IVNS1ABP: variants seen among roughly 807,000 people sequenced by gnomAD.
IVNS1ABP encodes influenza virus NS1A binding protein.
Under a neutral mutation model 78.9 loss-of-function variants are expected in IVNS1ABP, and 25 were observed. The observed-to-expected ratio is 0.32, with a 90% CI of 0.23 to 0.44. The LOEUF (loss-of-function observed/expected upper bound fraction) is 0.44. Ranked by LOEUF, IVNS1ABP falls within the 20% of genes least tolerant of loss-of-function variation. The probability of loss-of-function intolerance (pLI) is 1.00; values close to 1 mark genes in which losing one functional copy is unlikely to be tolerated. For synonymous variants in IVNS1ABP, 241 were observed against 259.7 expected (o/e 0.93, Z 0.69); for missense variants, 494 against 768.9 (o/e 0.64, Z 4.23).
At chr1:185,303,050 T>C (rs1211341912) in intron 8 of IVNS1ABP, among the ~76,000 whole-genome samples, 1 of 152,094 alleles carries the variant, frequency 6.6e-6, no homozygotes, top group Non-Finnish European at 1.5e-5. Context: ...TAGACTTATC[T>C]AACCTTATCT....
rs773854525 is a variant in IVNS1ABP at position 185,309,425 on chromosome 1, A to G, written c.69T>C (p.Asn23=). ...AGAACTGGCCACTTTTCCTCAGGGC[A>G]TTTAATTTGGCAACAGAAGACTCAA... is the stretch of plus-strand genomic sequence containing the variant. ...NFIESSVAKL[N]ALRKSGQFCD... is the part of the protein sequence containing the mutation. Residue 23 remains asparagine (N), a synonymous_variant, in exon 3 of 15, where the codon AAT becomes AAC. Transcript: ENST00000367498. The G allele has an allele frequency of 5.6e-6, 9 of 1,613,002 alleles. No individual in the cohort carries two copies. The South Asian group carries it at 9.9e-5, about 18-fold the overall frequency.
chr1:185,301,520 C>A lies in IVNS1ABP; in HGVS notation c.809G>T (p.Ser270Ile). The A allele has an allele frequency of 1.2e-6, 2 of 1,613,178 alleles. No homozygotes were observed. Among genetic ancestry groups the A allele is most frequent in the Non-Finnish European group, 1.7e-6 (2 of 1,179,364 alleles). ...TGGAGAAGAGAGACATCCAGTTGAA[C>A]TGCTACTTATCTGCTTATGGCCATT... ...RENGHKQISS[S>I]STGCLSSPNA... Residue 270 changes from serine to isoleucine, a missense_variant, in exon 9 of 15, where the codon AGT becomes ATT. Physicochemically the swap from Ser to Ile is moderately radical, Grantham distance 142. Coordinates refer to ENST00000367498, the MANE Select transcript of IVNS1ABP (RefSeq NM_006469.5).
In IVNS1ABP at chr1:185,306,375, G is replaced by C. The variant is rs1237702983; in HGVS notation, c.657+639C>G. 3.9e-5 allele frequency: 34 copies of C among 877,758 alleles called. 1 individual carries two copies. In the South Asian group the frequency reaches 4.9e-4, roughly 13 times the overall value. The allele number at this position is 877,758 out of a possible 1,614,324, so 54.4% of individuals were successfully genotyped here. A position where few individuals can be genotyped will look rare whatever the true frequency, so the allele number is the denominator to read the frequency against. On this transcript the variant is annotated intron_variant, in intron 7 of 14. Coordinates refer to ENST00000367498, the MANE Select transcript of IVNS1ABP (RefSeq NM_006469.5). Reference sequence around the variant, plus strand: ...ACCATTTCTCCATCAATTTTATCTTGTGTATTTTTTTTAAAAGTAGCCCAA... The same window carrying C: ...ACCATTTCTCCATCAATTTTATCTTCTGTATTTTTTTTAAAAGTAGCCCAA...
In IVNS1ABP at chr1:185,309,458, T is replaced by C. The variant is rs1665828349; in HGVS notation, c.36A>G (p.Glu12=). Residue 12 remains glutamate (E), a synonymous_variant, in exon 3 of 15, where the codon GAA becomes GAG. Transcript: ENST00000367498. ...IPNGYLMFED[E]NFIESSVAKL... ...TGGCAACAGAAGACTCAATAAAATTTTCATCCTCAAACATCAAATATCCAT... is the reference window on the plus strand; with the variant it reads ...TGGCAACAGAAGACTCAATAAAATTCTCATCCTCAAACATCAAATATCCAT... The C allele has an allele frequency of 1.2e-6, 2 of 1,612,450 alleles. No homozygotes were observed. Among genetic ancestry groups the C allele is most frequent in the Middle Eastern group, 1.7e-4 (1 of 6,050 alleles).
chr1:185,309,447 T>G lies in IVNS1ABP; in HGVS notation c.47A>C (p.Glu16Ala). The change falls in exon 3 of 15, where the codon GAG becomes GCG. Residue 16 changes from glutamate to alanine, a missense_variant. Physicochemically the swap from Glu to Ala is moderately radical, Grantham distance 107. Coordinates refer to ENST00000367498, the MANE Select transcript of IVNS1ABP (RefSeq NM_006469.5). ...GGCATTTAATTTGGCAACAGAAGAC[T>G]CAATAAAATTTTCATCCTCAAACAT... ...YLMFEDENFIESSVAKLNALR... is the reference protein window; with the variant it reads ...YLMFEDENFIASSVAKLNALR... 6.2e-7 allele frequency: 1 copy of G among 1,612,988 alleles called. No individual in the cohort carries two copies.
intron 3 of IVNS1ABP, 29 bp downstream of exon 3, chr1:185,309,354 C>G: frequency 6.9e-7 from 1 of 1,440,886 alleles, no homozygotes; most frequent in South Asian, 1.3e-5. Flanking sequence ...ATAAAAAATT[C>G]TATAAATTTT....
intron 3 of IVNS1ABP, 43 bp from the exon 4 acceptor site, chr1:185,309,215 G>A (rs1558118709): frequency 7.0e-7 from 1 of 1,423,184 alleles, no homozygotes; most frequent in Non-Finnish European, 9.5e-7. Context: ...TGTGGATTAT[G>A]TGCTTCTCTA....
intron 1 of IVNS1ABP, among the ~76,000 whole-genome samples, chr1:185,312,748 T>C (rs895474276): frequency 6.6e-6 from 1 of 152,314 alleles, no homozygotes; most frequent in Admixed American, 6.5e-5. Flanking sequence ...CTAACAAATG[T>C]TTTCCAAATA....
Position 185,309,081 on chromosome 1 carries a change from T to C in IVNS1ABP, c.203A>G (p.His68Arg). ...FEIFNSDSDP[H>R]GISHVKFDDL... The stretch of plus-strand genomic sequence containing the variant: ...ATCAAATTTAACGTGAGAAATTCCA[T>C]GAGGATCACTATCACTATTAAAGAT... Residue 68 changes from histidine (H) to arginine (R), a missense_variant, in exon 4 of 15, where the codon CAT (histidine) becomes CGT (arginine). His to Arg is a conservative substitution (Grantham distance 29, BLOSUM62 0). Transcript: ENST00000367498. 3 of 1,613,024 alleles carry C rather than the reference T, an allele frequency of 1.9e-6. No individual in the cohort carries two copies. Among genetic ancestry groups the C allele is most frequent in the Middle Eastern group, 1.7e-4 (1 of 6,054 alleles).
At chr1:185,311,661 T>G (rs1297152407) in intron 1 of IVNS1ABP, among the ~76,000 whole-genome samples, 3 of 152,156 alleles carry the variant, frequency 2.0e-5, no homozygotes, top group African/African-American at 7.2e-5. Context: ...AATTTCCAAC[T>G]AATATGCAAA....
Position 185,307,622 on chromosome 1 carries a change from C to T in IVNS1ABP, c.398G>A (p.Ser133Asn). 1.9e-6 allele frequency: 3 copies of T among 1,613,556 alleles called. No homozygotes were observed. The highest frequency in any genetic ancestry group is 2.5e-6 in the Non-Finnish European group (3 of 1,179,632). Residue 133 changes from serine to asparagine, a missense_variant, in exon 6 of 15, where the codon AGC becomes AAC. By Grantham distance (46) the Ser-to-Asn change is conservative. Coordinates refer to ENST00000367498, the MANE Select transcript of IVNS1ABP (RefSeq NM_006469.5). Reference protein sequence around the residue: ...DYLLSRMDVTSCISYRNFASC... With the variant: ...DYLLSRMDVTNCISYRNFASC... ...TGCAAAATTTCGGTAAGAGATGCAG[C>T]TGGTAACATCCATTCTAGACAGTAA...
Position 185,307,664 on chromosome 1 carries a change from T to C in IVNS1ABP, c.358-2A>G. The C allele has an allele frequency of 3.1e-6, 5 of 1,610,312 alleles. No individual in the cohort carries two copies. Among genetic ancestry groups the C allele is most frequent in the Non-Finnish European group, 4.2e-6 (5 of 1,178,302 alleles). ...AGACAGTAAATAATCACCACAAACC[T>C]TGGAAAAGAAATATATGAGTGCCAA... On this transcript the variant is annotated splice_acceptor_variant, in intron 5 of 14. Transcript: ENST00000367498. LOFTEE classifies it high-confidence loss of function.
chr1:185,301,070 A>T lies in IVNS1ABP; in HGVS notation c.1022T>A (p.Met341Lys), dbSNP rs1321413557. 1 of 1,613,418 alleles carries T rather than the reference A, an allele frequency of 6.2e-7. No individual in the cohort carries two copies. The highest frequency in any genetic ancestry group is 8.5e-7 in the Non-Finnish European group (1 of 1,179,726). The change falls in exon 10 of 15, where the codon ATG (methionine) becomes AAG (lysine). Residue 341 changes from methionine to lysine, a missense_variant. By Grantham distance (95) the Met-to-Lys change is moderately conservative. Transcript: ENST00000367498. ...CTTTTCGATTAGCTCATCTTGTTGC[A>T]TCTCAAAGCTTAAACTCTTACTTAG... ...PKLSKSLSFEMQQDELIEKPM... is the reference protein window; with the variant it reads ...PKLSKSLSFEKQQDELIEKPM...
At chr1:185,304,687 T>C (rs901159632) in intron 8 of IVNS1ABP, among the ~76,000 whole-genome samples, 2 of 152,144 alleles carry the variant, frequency 1.3e-5, no homozygotes, top group Non-Finnish European at 2.9e-5. Context: ...ATTTAATGTG[T>C]CAGAAGGTAG....
In IVNS1ABP at chr1:185,298,008, TG is replaced by T; in HGVS notation, c.*26del. On this transcript the variant is annotated 3_prime_UTR_variant, in exon 15 of 15. Transcript: ENST00000367498. The surrounding 1 kb of genome is among the most constrained non-coding windows in gnomAD (Gnocchi z 4.1). ...CTAACCATAATTACATCACTAAGCCTGTTAGTTTGAGAGGGTCTTAAATTTG... is the reference window on the plus strand; with the variant it reads ...CTAACCATAATTACATCACTAAGCCTTTAGTTTGAGAGGGTCTTAAATTTG... 4 of 1,606,816 alleles carry T rather than the reference TG, an allele frequency of 2.5e-6. No individual in the cohort carries two copies. The highest frequency in any genetic ancestry group is 3.4e-6 in the Non-Finnish European group (4 of 1,175,282).
In IVNS1ABP at chr1:185,297,056, C is replaced by G. The variant is rs1665438427; in HGVS notation, c.*979G>C. 6.6e-6 allele frequency: 1 copy of G among 152,010 alleles called. No individual in the cohort carries two copies. Among genetic ancestry groups the G allele is most frequent in the Non-Finnish European group, 1.5e-5 (1 of 67,970 alleles). The allele number at this position is 152,010 out of a possible 1,614,324, so 9.4% of individuals were successfully genotyped here. A position where few individuals can be genotyped will look rare whatever the true frequency, so the allele number is the denominator to read the frequency against. On this transcript the variant is annotated 3_prime_UTR_variant, in exon 15 of 15. Coordinates refer to ENST00000367498, the MANE Select transcript of IVNS1ABP (RefSeq NM_006469.5). ...TATCCATATGAACAGATAAACTGAA[C>G]AAAAACATAGTTCTGATAAAACCTG...
chr1:185,302,588 G>A (rs1016659167), intron 8 of IVNS1ABP, among the ~76,000 whole-genome samples: 1 of 152,260 alleles, frequency 6.6e-6, no homozygotes, highest in Admixed American at 6.5e-5. Context: ...AAAAGATTTT[G>A]CTAGCTACTT....
chr1:185,308,904 C>A, intron 4 of IVNS1ABP, 29 bp from the exon 5 acceptor site: 1 of 1,586,296 alleles, frequency 6.3e-7, no homozygotes, highest in Non-Finnish European at 8.6e-7. Context: ...ACTTATGATA[C>A]CAAAGCCTTA....
intron 2 of IVNS1ABP, among the ~76,000 whole-genome samples, chr1:185,310,468 C>T (rs1665856195): frequency 6.6e-6 from 1 of 152,094 alleles, no homozygotes; most frequent in South Asian, 2.1e-4. Context: ...TTTAGCCAGG[C>T]ATGGTGGCGG....
Sources: allele counts gnomAD v4.1 joint callset (sites outside exome capture counted in the v4.1 genomes callset), GRCh38; gene constraint gnomAD v4.1.1; non-coding constraint Gnocchi (gnomAD v3.1); transcripts MANE v1.5; gene names NCBI Gene and HGNC (gene_info 2026-07-23, HGNC 2026-07-21).